The following FBLN7 variants were observed in gnomAD, a reference collection of about 807,000 sequenced individuals.
The protein encoded by FBLN7 is fibulin-7.
FBLN7 carries 31 observed loss-of-function variants against 44.0 expected under a neutral mutation model. The observed-to-expected ratio is 0.70, with a 90% CI of 0.53 to 0.95. The LOEUF is 0.95. Among genes scored for constraint, FBLN7 ranks in the 40% least tolerant of loss-of-function variants. The probability of loss-of-function intolerance (pLI) is 0.00; values close to 1 mark genes in which losing one functional copy is unlikely to be tolerated. For synonymous variants in FBLN7, 262 were observed against 253.4 expected (o/e 1.03, Z -0.32); for missense variants, 573 against 618.5 (o/e 0.93, Z 0.78).
intron 3 of FBLN7, among the ~76,000 whole-genome samples, chr2:112,172,622 T>A (rs1363686033): frequency 1.3e-5 from 2 of 149,234 alleles, no homozygotes; most frequent in East Asian, 3.9e-4. Flanking sequence ...CTTTTCTTTT[T>A]CTTTCTTTTT....
chr2:112,199,267 G>A, the FBLN7 span, among the ~76,000 whole-genome samples: 71 of 152,240 alleles, frequency 4.7e-4, no homozygotes, highest in East Asian at 6.6e-3. Flanking sequence ...ACAGACAGTT[G>A]TACGGTGGGC....
At chr2:112,230,479 T>TAAAC in the FBLN7 span, among the ~76,000 whole-genome samples, 6 of 152,076 alleles carry the variant, frequency 3.9e-5, no homozygotes, top group Non-Finnish European at 7.4e-5. Context: ...ATAACTAATA[T>TAAAC]AAACATAAAG....
chr2:112,162,232 A>G (rs1432051332), intron 2 of FBLN7, among the ~76,000 whole-genome samples: 1 of 149,090 alleles, frequency 6.7e-6, no homozygotes, highest in East Asian at 2.0e-4. Context: ...CTGATCTTGA[A>G]CTCCCAGGCT....
intron 1 of FBLN7, among the ~76,000 whole-genome samples, chr2:112,154,970 G>A (rs1413225096): frequency 1.3e-5 from 2 of 152,222 alleles, no homozygotes; most frequent in Admixed American, 1.3e-4. Flanking sequence ...CTGTGGGGCT[G>A]CATGGTGACG....
At chr2:112,222,038 T>C in the FBLN7 span, among the ~76,000 whole-genome samples, 193 of 152,264 alleles carry the variant, frequency 1.3e-3, 2 homozygotes, top group African/African-American at 4.6e-3. Flanking sequence ...GTAGATTTTT[T>C]GCTTTTTTCT....
At chr2:112,168,892 C>T (rs79230575) in intron 3 of FBLN7, among the ~76,000 whole-genome samples, 2,481 of 152,294 alleles carry the variant, frequency 0.016, 57 homozygotes, top group African/African-American at 0.057. Flanking sequence ...GTCCCTCACT[C>T]CAACTCTAGT....
rs776366692 is a variant in FBLN7 at position 112,175,758 on chromosome 2, T to C, written c.451T>C (p.Cys151Arg). 1 of 1,614,166 alleles carries C rather than the reference T, an allele frequency of 6.2e-7. No individual in the cohort carries two copies. ...SSQPCQNGGT[C>R]VEGVNQYRCI... is the part of the protein sequence containing the mutation. The stretch of plus-strand genomic sequence containing the variant: ...CCAGCCTTGTCAAAATGGTGGTACA[T>C]GTGTAGAAGGAGTCAACCAGTACAG... Residue 151 changes from cysteine (C) to arginine (R), a missense_variant, in exon 4 of 8, where the codon TGT (cysteine) becomes CGT (arginine). By Grantham distance (180) the Cys-to-Arg change is radical. Transcript: ENST00000331203.
intron 1 of FBLN7, among the ~76,000 whole-genome samples, chr2:112,157,126 T>G (rs1681471231): frequency 6.6e-6 from 1 of 152,140 alleles, no homozygotes; most frequent in African/African-American, 2.4e-5. Flanking sequence ...TCCCAGCGCT[T>G]TGGGAGGCCA....
chr2:112,148,963 T>A (rs1681013095), intron 1 of FBLN7, among the ~76,000 whole-genome samples: 2 of 152,218 alleles, frequency 1.3e-5, no homozygotes, highest in South Asian at 4.1e-4. Flanking sequence ...TCCTTGCATA[T>A]GGCGTTGGCA....
the FBLN7 span, among the ~76,000 whole-genome samples, chr2:112,204,324 C>T: frequency 6.0e-5 from 9 of 149,580 alleles, no homozygotes; most frequent in African/African-American, 2.2e-4. Flanking sequence ...GTGAGGTCAC[C>T]ATCAAGCATA....
intron 3 of FBLN7, among the ~76,000 whole-genome samples, chr2:112,168,243 G>C (rs1301111345): frequency 6.6e-6 from 1 of 152,176 alleles, no homozygotes; most frequent in Non-Finnish European, 1.5e-5. Context: ...CCACACCAAA[G>C]AGCTGCATGA....
At chr2:112,163,691 ACAAT>A (rs1339463060) in intron 2 of FBLN7, among the ~76,000 whole-genome samples, 1 of 149,328 alleles carries the variant, frequency 6.7e-6, no homozygotes, top group East Asian at 1.9e-4. Context: ...CGGGCACTTC[ACAAT>A]CAAACCGCAG....
At chr2:112,155,457 G>A (rs1266697132) in intron 1 of FBLN7, among the ~76,000 whole-genome samples, 2 of 152,182 alleles carry the variant, frequency 1.3e-5, no homozygotes, top group African/African-American at 2.4e-5. Context: ...CTGGCTTGCC[G>A]AGAGCAGCAA....
In FBLN7 at chr2:112,175,436, A is replaced by G. The variant is rs566346974; in HGVS notation, c.407-278A>G. 4.6e-5 allele frequency among the ~76,000 whole-genome samples: 7 copies of G among 152,326 alleles called. No individual in the cohort carries two copies. The South Asian group carries it at 1.5e-3, about 32-fold the overall frequency. On this transcript the variant is annotated intron_variant, in intron 3 of 7. Transcript: ENST00000331203. ...TGGTGCCTGTGGGTGGGGTATGGCC[A>G]GCTCATAGGCCAGCTCCTGCATGCA...
chr2:112,181,900 A>C, intron 5 of FBLN7, 24 bp downstream of exon 5: 1 of 1,533,170 alleles, frequency 6.5e-7, no homozygotes. Flanking sequence ...CCGCCAGGAC[A>C]CTGGGGACAG....
intron 1 of FBLN7, among the ~76,000 whole-genome samples, chr2:112,141,123 G>A (rs988771875): frequency 2.0e-5 from 3 of 152,220 alleles, no homozygotes; most frequent in African/African-American, 7.2e-5. Context: ...GCGGTGGGCA[G>A]CGGAGAGCCT....
At chr2:112,144,587 T>C (rs1329255361) in intron 1 of FBLN7, among the ~76,000 whole-genome samples, 1 of 150,690 alleles carries the variant, frequency 6.6e-6, no homozygotes, top group Non-Finnish European at 1.5e-5. Flanking sequence ...TGCAGTGGCG[T>C]GATCTTGGCT....
At chr2:112,168,693 G>T (rs1415385343) in intron 3 of FBLN7, among the ~76,000 whole-genome samples, 1 of 152,190 alleles carries the variant, frequency 6.6e-6, no homozygotes, top group Non-Finnish European at 1.5e-5. Context: ...ACAATCTAGT[G>T]ACCAAACCTA....
At chr2:112,196,313 A>G in the FBLN7 span, among the ~76,000 whole-genome samples, 1 of 151,850 alleles carries the variant, frequency 6.6e-6, no homozygotes, top group Non-Finnish European at 1.5e-5. Context: ...GAGGAACAGA[A>G]CACATTTGAC....
Sources: gnomAD v4.1 joint callset for allele counts (sites outside exome capture counted in the v4.1 genomes callset) on GRCh38, gnomAD v4.1.1 for gene constraint, MANE v1.5 for transcripts, NCBI Gene and HGNC (gene_info 2026-07-23, HGNC 2026-07-21) for gene names.